MYO1D: variants seen among roughly 807,000 people sequenced by gnomAD.
The protein encoded by MYO1D is myosin ID, also known as unconventional myosin-Id.
In MYO1D, 83 loss-of-function variants were observed where a neutral mutation model predicts 122.0. The ratio of observed to expected loss-of-function variants is 0.68; its 90% confidence interval spans 0.57 to 0.82. The LOEUF (loss-of-function observed/expected upper bound fraction) is 0.82, where lower values mean the gene tolerates loss of function less well. MYO1D is among the 40% of genes least tolerant of loss of function. The pLI, the probability that MYO1D is intolerant of heterozygous loss-of-function variation, is 0.00. For synonymous variants in MYO1D, 464 were observed against 446.9 expected, an observed-to-expected ratio of 1.04 and a Z score of -0.48; for missense variants, 1,157 against 1,269.5, an observed-to-expected ratio of 0.91 and a Z score of 1.35.
At chr17:32,776,053 C>A in intron 3 of MYO1D, 24 bp from the exon 4 acceptor site, 1 of 1,597,654 alleles carries the variant, frequency 6.3e-7, no homozygotes, top group South Asian at 1.1e-5. Context: ...AAATGAAAGT[C>A]ATTATAAAAA....
At chr17:32,577,275 G>GTAC (rs2087287680) in intron 21 of MYO1D, among the ~76,000 whole-genome samples, 1 of 151,384 alleles carries the variant, frequency 6.6e-6, no homozygotes, top group Non-Finnish European at 1.5e-5. Context: ...AAAGCATGAG[G>GTAC]TACCGTACCC....
At chr17:32,500,561 G>C (rs1475514749) in intron 21 of MYO1D, among the ~76,000 whole-genome samples, 1 of 151,762 alleles carries the variant, frequency 6.6e-6, no homozygotes, top group Non-Finnish European at 1.5e-5. Context: ...GTGACGTTTG[G>C]GCAGAAGAGG....
intron 1 of MYO1D, among the ~76,000 whole-genome samples, chr17:32,860,440 T>C (rs562813629): frequency 4.6e-5 from 7 of 152,328 alleles, no homozygotes; most frequent in African/African-American, 1.7e-4. Flanking sequence ...TCCTCTGACA[T>C]AGCCCAAGTC....
chr17:32,711,645 C>CGG, intron 16 of MYO1D, among the ~76,000 whole-genome samples: 1 of 150,708 alleles, frequency 6.6e-6, no homozygotes, highest in South Asian at 2.1e-4. Flanking sequence ...GACTCCGTCT[C>CGG]GGGGGGGAAA....
intron 21 of MYO1D, among the ~76,000 whole-genome samples, chr17:32,524,313 T>A (rs1910262647): frequency 6.6e-6 from 1 of 152,202 alleles, no homozygotes; most frequent in African/African-American, 2.4e-5. Flanking sequence ...TCAGTCTCAG[T>A]CTTAGTTTCA....
chr17:32,517,625 C>T (rs116238052), intron 21 of MYO1D, among the ~76,000 whole-genome samples: 2,302 of 152,224 alleles, frequency 0.015, 57 homozygotes, highest in African/African-American at 0.051. Flanking sequence ...TTCCTGTGCA[C>T]CACCGCTTTA....
chr17:32,774,231 CA>C (rs1285692003), intron 4 of MYO1D, among the ~76,000 whole-genome samples: 1 of 152,196 alleles, frequency 6.6e-6, no homozygotes, highest in Non-Finnish European at 1.5e-5. Flanking sequence ...CGACCTCTCC[CA>C]AATCAGTTAA....
chr17:32,842,428 G>C (rs977974261), intron 1 of MYO1D, among the ~76,000 whole-genome samples: 1 of 152,100 alleles, frequency 6.6e-6, no homozygotes, highest in Non-Finnish European at 1.5e-5. Context: ...CTGGATTAAT[G>C]GGGTTTCTGA....
At chr17:32,671,469 T>C (rs1320344577) in intron 16 of MYO1D, among the ~76,000 whole-genome samples, 1 of 152,218 alleles carries the variant, frequency 6.6e-6, no homozygotes, top group East Asian at 1.9e-4. Flanking sequence ...GGCATAAGAA[T>C]TCTTTATATT....
chr17:32,766,802 C>CAAAAAA (rs145663504), intron 7 of MYO1D, among the ~76,000 whole-genome samples: 3 of 150,222 alleles, frequency 2.0e-5, no homozygotes, highest in African/African-American at 2.4e-5. Context: ...AAAAAGAAAA[C>CAAAAAA]AAAACAACAA....
At chr17:32,806,132 G>A (rs917934104) in intron 1 of MYO1D, among the ~76,000 whole-genome samples, 1 of 152,052 alleles carries the variant, frequency 6.6e-6, no homozygotes, top group Non-Finnish European at 1.5e-5. Flanking sequence ...GGTGGCACAC[G>A]CCTGTGGTTC....
intron 1 of MYO1D, among the ~76,000 whole-genome samples, chr17:32,781,776 T>C (rs917777254): frequency 2.0e-5 from 3 of 150,782 alleles, no homozygotes; most frequent in Non-Finnish European, 4.4e-5. Context: ...AGGTATGCTA[T>C]GACTGCAATT....
At chr17:32,866,692 A>G (rs933436046) in intron 1 of MYO1D, among the ~76,000 whole-genome samples, 2 of 152,222 alleles carry the variant, frequency 1.3e-5, no homozygotes, top group Non-Finnish European at 2.9e-5. Context: ...GGGGCAGCAT[A>G]AGACAAGAAT....
chr17:32,621,045 T>C (rs889536315), intron 20 of MYO1D, among the ~76,000 whole-genome samples: 2 of 152,210 alleles, frequency 1.3e-5, no homozygotes, highest in Admixed American at 6.5e-5. Context: ...CATTCATTTA[T>C]GTTTCCTATA....
At chr17:32,702,362 G>T (rs912949311) in intron 16 of MYO1D, among the ~76,000 whole-genome samples, 3 of 151,984 alleles carry the variant, frequency 2.0e-5, no homozygotes, top group Non-Finnish European at 2.9e-5. Context: ...TTATTATTTT[G>T]AATTAAGAAA....
intron 11 of MYO1D, 79 bp from the exon 12 acceptor site, chr17:32,749,085 T>C: frequency 1.6e-6 from 2 of 1,250,298 alleles, no homozygotes; most frequent in Non-Finnish European, 2.3e-6. Context: ...TAATATGAAA[T>C]GATGATAATA....
chr17:32,650,558 A>G (rs1242883551), intron 19 of MYO1D, among the ~76,000 whole-genome samples: 1 of 152,154 alleles, frequency 6.6e-6, no homozygotes, highest in East Asian at 1.9e-4. Context: ...GTTATCTAAC[A>G]GCTTCCTGAT....
At chr17:32,750,587 C>T (rs886294064) in intron 11 of MYO1D, among the ~76,000 whole-genome samples, 1 of 152,054 alleles carries the variant, frequency 6.6e-6, no homozygotes, top group African/African-American at 2.4e-5. Flanking sequence ...TGCACTCCAG[C>T]CTGGGCGACA....
intron 19 of MYO1D, 24 bp downstream of exon 19, chr17:32,653,819 T>G: frequency 1.2e-4 from 193 of 1,578,120 alleles, no homozygotes; most frequent in Middle Eastern, 1.7e-4. Flanking sequence ...CTTTCCAAGA[T>G]GATCTGGTTT....
Sources: gnomAD v4.1 joint callset for allele counts (sites outside exome capture counted in the v4.1 genomes callset) on GRCh38, gnomAD v4.1.1 for gene constraint, MANE v1.5 for transcripts, NCBI Gene and HGNC (gene_info 2026-07-23, HGNC 2026-07-21) for gene names.